NUP160: variants seen among roughly 807,000 people sequenced by gnomAD.
NUP160 encodes nucleoporin 160.
NUP160 carries 94 observed loss-of-function variants against 196.9 expected under a neutral mutation model. The ratio of observed to expected loss-of-function variants is 0.48; its 90% CI spans 0.40 to 0.57. The LOEUF (loss-of-function observed/expected upper bound fraction) is 0.57, where lower values mean the gene tolerates loss of function less well. NUP160 is among the 20% of genes least tolerant of loss of function. The pLI is 0.00. For synonymous variants in NUP160, 605 were observed against 619.7 expected (o/e 0.98, Z 0.35); for missense variants, 1,638 against 1,748.3 (o/e 0.94, Z 1.13).
chr11:47,792,816 C>T (rs774618090), exon 28 of NUP160: 59 of 1,613,860 alleles, frequency 3.7e-5, no homozygotes, highest in Non-Finnish European at 4.3e-5. Context: ...GCACAATCCA[C>T]GCATATTCTG....
Position 47,818,339 on chromosome 11 carries a change from T to C in NUP160, c.1363-215A>G, listed in dbSNP as rs528626440. 2.0e-5 allele frequency among the ~76,000 whole-genome samples: 3 copies of C among 152,186 alleles called. No homozygotes were observed. The East Asian group carries it at 5.8e-4, about 29-fold the overall frequency. On this transcript the variant is annotated intron_variant, in intron 10 of 35. Coordinates refer to ENST00000378460, the Ensembl canonical transcript of NUP160. ...GAGGTACTATACTTAAAATGGTGTG[T>C]TCCTCACGGAGAGCTTCATTGGGTT...
chr11:47,793,722 G>GTTTTTTTTTTTTTTTTTTTTTTTTTTTT (rs750497969), intron 27 of NUP160, among the ~76,000 whole-genome samples: 1 of 87,644 alleles, frequency 1.1e-5, no homozygotes, highest in African/African-American at 5.2e-5. Flanking sequence ...TAAGATATCT[G>GTTTTTTTTTTTTTTTTTTTTTTTTTTTT]TTTTTTTTTT....
rs1237727642 is a variant in NUP160, at chr11:47,806,212, T to C, written c.2547A>G (p.Gln849=). The C allele has an allele frequency of 6.2e-7, 1 of 1,614,196 alleles. No homozygotes were observed. The highest frequency in any genetic ancestry group is 1.7e-5 in the Admixed American group (1 of 60,020). Residue 849 remains glutamine, a synonymous_variant, in exon 20 of 36, where the codon CAA becomes CAG. Transcript: ENST00000378460. ...TCATTTCAGGCCAATTCAATCCAGT[T>C]TGGCTCAGAGGTGCCTTTGGCTGAG...
intron 20 of NUP160, among the ~76,000 whole-genome samples, chr11:47,805,560 T>G (rs1283795782): frequency 6.6e-6 from 1 of 150,856 alleles, no homozygotes; most frequent in Non-Finnish European, 1.5e-5. Flanking sequence ...TTCTCCTGCC[T>G]CAGCTTCCAA....
chr11:47,839,917 C>T (rs778657402), exon 4 of NUP160: 1 of 1,614,150 alleles, frequency 6.2e-7, no homozygotes, highest in Non-Finnish European at 8.5e-7. Context: ...CAGGGCCTCC[C>T]CATCACTGCT....
In NUP160 at chr11:47,800,079, C is replaced by T. The variant is rs933921014; in HGVS notation, c.2896-1616G>A. ...GACCAGCCTGGCCAACATGGTGAAA[C>T]CCTGTCCCTACCAAAAATACAAAAA... On this transcript the variant is annotated intron_variant, in intron 23 of 35. Coordinates refer to ENST00000378460, the Ensembl canonical transcript of NUP160. Among the ~76,000 whole-genome samples, 4 of 151,970 alleles carry T rather than the reference C, an allele frequency of 2.6e-5. No individual in the cohort carries two copies. The East Asian group carries it at 7.9e-4, about 30-fold the overall frequency.
chr11:47,841,419 C>A, intron 2 of NUP160: 1 of 457,644 alleles, frequency 2.2e-6, no homozygotes, highest in Non-Finnish European at 4.2e-6. Flanking sequence ...AATTCATCTC[C>A]ACTTGGTTCA....
chr11:47,791,935 G>A lies in NUP160; in HGVS notation c.3506C>T (p.Ala1169Val), dbSNP rs756729056. The A allele has an allele frequency of 9.3e-6, 15 of 1,609,896 alleles. No individual in the cohort carries two copies. In the African/African-American group the frequency reaches 2.0e-4, roughly 22 times the overall value. ...GTGTGAGACTCCTGACTCACTGGGG[G>A]CAGCTGTGCATTCTCCATCATGATT... Residue 1169 changes from alanine to valine, a missense_variant, in exon 29 of 36, where the codon GCC (alanine) becomes GTC (valine). Ala to Val is a moderately conservative substitution (Grantham distance 64, BLOSUM62 0). Transcript: ENST00000378460.
In NUP160 at chr11:47,813,593, G is replaced by A. The variant is rs2097682382; in HGVS notation, c.1687-178C>T. ...ATCTGTGATCCCAGCAGTTTGGGAG[G>A]CTGAGGTGGGAGGATCACTTGAGCC... On this transcript the variant is annotated intron_variant, in intron 13 of 35. Coordinates refer to ENST00000378460, the Ensembl canonical transcript of NUP160. Among the ~76,000 whole-genome samples the A allele has an allele frequency of 3.3e-5, 5 of 152,254 alleles. No individual in the cohort carries two copies. In the South Asian group the frequency reaches 1.0e-3, roughly 32 times the overall value.
intron 2 of NUP160, among the ~76,000 whole-genome samples, chr11:47,846,632 C>G (rs187777586): frequency 6.6e-6 from 1 of 152,234 alleles, no homozygotes; most frequent in East Asian, 1.9e-4. Context: ...TCTAGTCATT[C>G]CCACAATTGA....
At chr11:47,840,637 A>G (rs773387214) in intron 2 of NUP160, 49 bp from the exon 3 acceptor site, 115 of 1,378,194 alleles carry the variant, frequency 8.3e-5, no homozygotes, top group Non-Finnish European at 1.1e-4. Flanking sequence ...TTTCTCACTG[A>G]CTGTTCTACT....
intron 23 of NUP160, among the ~76,000 whole-genome samples, chr11:47,799,776 G>T (rs182110170): frequency 2.0e-5 from 3 of 151,478 alleles, no homozygotes; most frequent in African/African-American, 7.3e-5. Flanking sequence ...AAACTCCTAG[G>T]CTCCAGTGAT....
At chr11:47,822,559 A>C (rs1317132075) in intron 7 of NUP160, among the ~76,000 whole-genome samples, 1 of 151,522 alleles carries the variant, frequency 6.6e-6, no homozygotes, top group East Asian at 1.9e-4. Context: ...CCCGGCCAAA[A>C]ATTTTTTTTC....
exon 3 of NUP160, chr11:47,840,420 C>T: frequency 1.9e-6 from 3 of 1,614,116 alleles, no homozygotes; most frequent in Non-Finnish European, 2.5e-6. Context: ...GTAACCTGTG[C>T]ACTGTTTGAT....
chr11:47,841,798 C>A, intron 2 of NUP160: 1 of 171,960 alleles, frequency 5.8e-6, no homozygotes, highest in Non-Finnish European at 1.2e-5. Flanking sequence ...GGCAATCCTC[C>A]CACCTCAACC....
In NUP160 at chr11:47,792,053, G is replaced by A. The variant is rs73453083; in HGVS notation, c.3451-63C>T. The A allele has an allele frequency of 3.2e-3, 3,570 of 1,126,330 alleles. 94 individuals carry two copies. The African/African-American group carries it at 0.049, about 16-fold the overall frequency. 69.8% of individuals were successfully genotyped at this position (1,126,330 alleles called of 1,614,324 possible). On this transcript the variant is annotated intron_variant, in intron 28 of 35. Coordinates refer to ENST00000378460, the Ensembl canonical transcript of NUP160. ...AGTATTTTATTCTGATATCATTAAC[G>A]GTGATTCATAGCTTTTATGCTTAAA...
At chr11:47,796,196 C>CACCA (rs2097670816) in intron 27 of NUP160, 2 of 374,580 alleles carry the variant, frequency 5.3e-6, no homozygotes, top group African/African-American at 4.4e-5. Flanking sequence ...GAAGCCCAGA[C>CACCA]ACCAGGAAGG....
At chr11:47,798,251 C>T (rs773163599) in exon 25 of NUP160, 7 of 1,609,084 alleles carry the variant, frequency 4.4e-6, no homozygotes, top group African/African-American at 4.0e-5. Flanking sequence ...AAATACATGT[C>T]CTTAGAGTAG....
At chr11:47,847,790 G>T in intron 2 of NUP160, 58 bp downstream of exon 2, 1 of 1,268,200 alleles carries the variant, frequency 7.9e-7, no homozygotes, top group Non-Finnish European at 1.2e-6. Flanking sequence ...GTACAGCGAC[G>T]AAAATTTATA....
Sources: gnomAD v4.1 joint callset for allele counts (sites outside exome capture counted in the v4.1 genomes callset) on GRCh38, gnomAD v4.1.1 for gene constraint, MANE v1.5 for transcripts, NCBI Gene and HGNC (gene_info 2026-07-23, HGNC 2026-07-21) for gene names.